CLSTN2: variants seen among roughly 807,000 people sequenced by gnomAD.
The protein encoded by CLSTN2 is calsyntenin-2.
Under a neutral mutation model 101.2 loss-of-function variants are expected in CLSTN2, and 48 were observed. The ratio of observed to expected loss-of-function variants is 0.47; its 90% confidence interval spans 0.38 to 0.60. The LOEUF is 0.60. Among genes scored for constraint, CLSTN2 ranks in the 20% least tolerant of loss-of-function variants. The pLI, the probability that CLSTN2 is intolerant of heterozygous loss-of-function variation, is 0.00. For synonymous variants in CLSTN2, 481 were observed against 463.6 expected (o/e 1.04, Z -0.48); for missense variants, 1,160 against 1,238.2 (o/e 0.94, Z 0.95).
chr3:140,131,982 A>ATACTTG (rs2009529508), intron 1 of CLSTN2, among the ~76,000 whole-genome samples: 1 of 152,214 alleles, frequency 6.6e-6, no homozygotes, highest in South Asian at 2.1e-4. Context: ...CATTGCAGCC[A>ATACTTG]TACTTGTGTG....
chr3:139,957,027 G>C (rs1560053596), intron 1 of CLSTN2, among the ~76,000 whole-genome samples: 1 of 152,188 alleles, frequency 6.6e-6, no homozygotes, highest in Non-Finnish European at 1.5e-5. Flanking sequence ...GACAATTTAA[G>C]TTTTGATGCA....
chr3:140,300,137 A>T (rs1439999907), intron 2 of CLSTN2, among the ~76,000 whole-genome samples: 2 of 152,204 alleles, frequency 1.3e-5, no homozygotes, highest in African/African-American at 2.4e-5. Flanking sequence ...TTGCTCTTTA[A>T]TTATCTCTGG....
intron 1 of CLSTN2, among the ~76,000 whole-genome samples, chr3:140,145,036 C>T (rs2009760851): frequency 1.3e-5 from 2 of 152,238 alleles, no homozygotes; most frequent in South Asian, 4.1e-4. Flanking sequence ...GTTTTACCAC[C>T]TTGGAATAGT....
rs4683510 is a variant in CLSTN2 at position 140,566,273 on chromosome 3, T to C, written c.*20T>C. On this transcript the variant is annotated 3_prime_UTR_variant, in exon 17 of 17. Coordinates refer to ENST00000458420, the MANE Select transcript of CLSTN2 (RefSeq NM_022131.3). ...TACTAGTGCCCAGGGGTCTGCTGCCTGGCCCACATGTCCCTTTTGTAAACC... is the reference window on the plus strand; with the variant it reads ...TACTAGTGCCCAGGGGTCTGCTGCCCGGCCCACATGTCCCTTTTGTAAACC... 0.86 allele frequency: 1,333,512 copies of C among 1,551,014 alleles called. 588,813 individuals carry two copies. Among genetic ancestry groups the C allele is most frequent in the Middle Eastern group, 0.93 (4,130 of 4,434 alleles).
intron 8 of CLSTN2, among the ~76,000 whole-genome samples, chr3:140,514,639 A>C (rs1197181895): frequency 6.6e-6 from 1 of 152,176 alleles, no homozygotes; most frequent in Non-Finnish European, 1.5e-5. Flanking sequence ...CTCTGGGTAG[A>C]TTCCCAGGAG....
At chr3:140,306,848 T>A (rs914651169) in intron 2 of CLSTN2, among the ~76,000 whole-genome samples, 1 of 141,968 alleles carries the variant, frequency 7.0e-6, no homozygotes, top group African/African-American at 2.6e-5. Flanking sequence ...TTTTTGTCTT[T>A]TTATTATTAT....
chr3:140,258,834 C>T (rs1054342363), intron 2 of CLSTN2, among the ~76,000 whole-genome samples: 6 of 152,166 alleles, frequency 3.9e-5, no homozygotes, highest in African/African-American at 1.4e-4. Context: ...TCTCTGATGA[C>T]AGGGTGTACT....
In CLSTN2 at chr3:139,950,526, C is replaced by T. The variant is rs1009883915; in HGVS notation, c.109+15043C>T. On this transcript the variant is annotated intron_variant, in intron 1 of 16. Transcript: ENST00000458420. Reference sequence around the variant, plus strand: ...TAACAATTCCCTTTAGATATCAAGGCTTGAACTTGGACCAAACAGGATTTT... The same window carrying T: ...TAACAATTCCCTTTAGATATCAAGGTTTGAACTTGGACCAAACAGGATTTT... 5.9e-5 allele frequency among the ~76,000 whole-genome samples: 9 copies of T among 152,156 alleles called. No homozygotes were observed. In the East Asian group the frequency reaches 1.7e-3, roughly 29 times the overall value.
chr3:140,479,934 G>A (rs886813694), intron 8 of CLSTN2, among the ~76,000 whole-genome samples: 6 of 151,758 alleles, frequency 4.0e-5, no homozygotes, highest in Admixed American at 6.6e-5. Context: ...GTTGATGACC[G>A]AAAATAAAGA....
At chr3:140,423,742 C>T (rs2088532092) in intron 5 of CLSTN2, among the ~76,000 whole-genome samples, 1 of 152,160 alleles carries the variant, frequency 6.6e-6, no homozygotes, top group Non-Finnish European at 1.5e-5. Flanking sequence ...AGTACCAGCT[C>T]ACATTCCTTT....
At chr3:140,257,223 G>A (rs4371479) in intron 2 of CLSTN2, among the ~76,000 whole-genome samples, 86,582 of 152,074 alleles carry the variant, frequency 0.57, 27,118 homozygotes, top group East Asian at 0.97. Context: ...ATAGCCCTTG[G>A]TGCATGCTAC....
intron 2 of CLSTN2, among the ~76,000 whole-genome samples, chr3:140,246,620 A>G (rs899133250): frequency 6.6e-6 from 1 of 152,230 alleles, no homozygotes; most frequent in Admixed American, 6.5e-5. Flanking sequence ...TGCCCAGCAC[A>G]TCGTAAGTGC....
chr3:140,248,109 C>T (rs769234749), intron 2 of CLSTN2, among the ~76,000 whole-genome samples: 1 of 152,194 alleles, frequency 6.6e-6, no homozygotes. Context: ...GTGATGGGAT[C>T]TTCAAAGACC....
intron 2 of CLSTN2, among the ~76,000 whole-genome samples, chr3:140,190,259 T>C (rs1280709133): frequency 6.6e-6 from 1 of 152,132 alleles, no homozygotes; most frequent in Non-Finnish European, 1.5e-5. Flanking sequence ...TTCTCTTCTC[T>C]CATCCATTAA....
chr3:140,206,391 A>G lies in CLSTN2; in HGVS notation c.232+30318A>G, dbSNP rs2107844149. On this transcript the variant is annotated intron_variant, in intron 2 of 16. Transcript: ENST00000458420. ...GAGGGCAGAGGCCAAGCCAGAGGCT[A>G]AGGAAGAGTGGCAGGGCAGAGATTT... Among the ~76,000 whole-genome samples the G allele has an allele frequency of 2.0e-5, 3 of 152,328 alleles. No homozygotes were observed. The Middle Eastern group carries it at 0.01, about 518-fold the overall frequency.
intron 1 of CLSTN2, among the ~76,000 whole-genome samples, chr3:140,071,620 A>G (rs1224906795): frequency 6.6e-6 from 1 of 152,086 alleles, no homozygotes; most frequent in East Asian, 1.9e-4. Flanking sequence ...TCACCAAGTC[A>G]GGAAATTGAG....
intron 1 of CLSTN2, among the ~76,000 whole-genome samples, chr3:140,093,495 TC>T (rs1218463687): frequency 1.3e-5 from 2 of 152,148 alleles, no homozygotes; most frequent in Non-Finnish European, 2.9e-5. Context: ...GGAGTTTAGG[TC>T]CCCTCTGCAC....
chr3:140,079,548 G>T (rs928592366), intron 1 of CLSTN2, among the ~76,000 whole-genome samples: 4 of 152,094 alleles, frequency 2.6e-5, no homozygotes, highest in African/African-American at 2.4e-5. Flanking sequence ...TCAGGAGATT[G>T]AGACCATCCT....
intron 2 of CLSTN2, among the ~76,000 whole-genome samples, chr3:140,187,270 A>G (rs1182655973): frequency 6.6e-6 from 1 of 152,092 alleles, no homozygotes; most frequent in African/African-American, 2.4e-5. Flanking sequence ...CAGGCTGGCC[A>G]TACCACTGGG....
Sources: allele counts gnomAD v4.1 joint callset (sites outside exome capture counted in the v4.1 genomes callset), GRCh38; gene constraint gnomAD v4.1.1; transcripts MANE v1.5; gene names NCBI Gene and HGNC (gene_info 2026-07-23, HGNC 2026-07-21).